The following TTC34 variants were observed in gnomAD, a reference collection of about 807,000 sequenced individuals.
TTC34 encodes the protein tetratricopeptide repeat protein 34.
A neutral mutation model predicts 40.7 loss-of-function variants in TTC34; 44 were observed. The observed-to-expected ratio is 1.08, with a 90% CI of 0.85 to 1.39. The LOEUF (loss-of-function observed/expected upper bound fraction) is 1.39, where lower values mean the gene tolerates loss of function less well. Among genes scored for constraint, TTC34 ranks in the 40% most tolerant of loss-of-function variants. The pLI is 0.00. For synonymous variants in TTC34, 422 were observed against 398.6 expected, an observed-to-expected ratio of 1.06 and a Z score of -0.70; for missense variants, 884 against 838.0, an observed-to-expected ratio of 1.05 and a Z score of -0.68.
intron 6 of TTC34, among the ~76,000 whole-genome samples, chr1:2,685,806 T>C (rs1323130906): frequency 2.3e-5 from 3 of 129,720 alleles, no homozygotes; most frequent in South Asian, 2.5e-4. Flanking sequence ...CACCCCCAGG[T>C]GAGCATCTGA....
At chr1:2,800,494 G>T in exon 2 of TTC34, 1 of 398,654 alleles carries the variant, frequency 2.5e-6, no homozygotes, top group Non-Finnish European at 4.4e-6. Flanking sequence ...CGGGCCAGCA[G>T]ACCTGCCAGC....
chr1:2,758,476 C>T (rs1483025103), intron 6 of TTC34, among the ~76,000 whole-genome samples: 2 of 85,198 alleles, frequency 2.3e-5, no homozygotes, highest in Non-Finnish European at 4.3e-5. Flanking sequence ...AGCACCCACA[C>T]ACCCAGGCGA....
intron 6 of TTC34, among the ~76,000 whole-genome samples, chr1:2,700,327 C>A (rs1389133633): frequency 9.2e-6 from 1 of 108,672 alleles, no homozygotes; most frequent in Non-Finnish European, 2.2e-5. Context: ...GGGGCAGCAC[C>A]CACTCCCGCA....
intron 6 of TTC34, among the ~76,000 whole-genome samples, chr1:2,652,136 C>T (rs139929249): frequency 4.7e-4 from 2 of 4,284 alleles, no homozygotes; most frequent in African/African-American, 6.3e-4. Flanking sequence ...CCCAGGTGAG[C>T]ATCCGACAGC....
At chr1:2,793,530 T>C (rs960871792) in intron 2 of TTC34, among the ~76,000 whole-genome samples, 2 of 152,248 alleles carry the variant, frequency 1.3e-5, no homozygotes, top group Non-Finnish European at 2.9e-5. Flanking sequence ...CCCTGTTTTG[T>C]ATCTTAAGAA....
intron 2 of TTC34, among the ~76,000 whole-genome samples, chr1:2,795,201 A>T (rs1193617199): frequency 1.3e-5 from 2 of 152,206 alleles, no homozygotes; most frequent in African/African-American, 4.8e-5. Flanking sequence ...GTGAGCCATG[A>T]TCACACAACT....
intron 6 of TTC34, among the ~76,000 whole-genome samples, chr1:2,758,153 T>C (rs1168938492): frequency 0.11 from 912 of 8,454 alleles, no homozygotes; most frequent in Non-Finnish European, 0.12. Context: ...AGCACCCACA[T>C]CCCCAGGTGA....
At chr1:2,749,120 A>T (rs1641236658) in intron 6 of TTC34, among the ~76,000 whole-genome samples, 108 of 133,654 alleles carry the variant, frequency 8.1e-4, no homozygotes, top group African/African-American at 1.6e-3. Context: ...CAGCACCCAC[A>T]CCCCCAGGTG....
chr1:2,645,587 G>GGGCC lies in TTC34; in HGVS notation c.2227-25_2227-24insGGCC. 3.0e-5 allele frequency: 7 copies of GGGCC among 229,518 alleles called. No homozygotes were observed. Among genetic ancestry groups the GGGCC allele is most frequent in the Non-Finnish European group, 6.0e-5 (7 of 116,442 alleles). The allele number at this position is 229,518 out of a possible 1,614,324, so 14.2% of individuals were successfully genotyped here. ...TCCTGCAAGGAGGGAGGGCGGGCGG[G>GGGCC]TGCAGAGTTGTCCTAAGTAGAGAAA... On this transcript the variant is annotated intron_variant, in intron 6 of 8. Coordinates refer to ENST00000401095, the Ensembl canonical transcript of TTC34. This position sits in a 1 kb window ranked among gnomAD's most constrained non-coding sequence, Gnocchi z 4.7.
chr1:2,771,515 C>T (rs1180074938), intron 6 of TTC34, among the ~76,000 whole-genome samples: 3 of 76,452 alleles, frequency 3.9e-5, no homozygotes, highest in African/African-American at 9.6e-5. Flanking sequence ...CCTGGAGTAG[C>T]ACGCACACCC....
intron 6 of TTC34, among the ~76,000 whole-genome samples, chr1:2,749,988 T>C (rs1434911979): frequency 4.0e-5 from 3 of 75,478 alleles, no homozygotes; most frequent in African/African-American, 7.4e-5. Context: ...TTGGACACCC[T>C]GGAGCAGCAC....
At chr1:2,637,813 G>A (rs1421775699) in exon 9 of TTC34, 1 of 152,272 alleles carries the variant, frequency 6.6e-6, no homozygotes, top group Non-Finnish European at 1.5e-5. Flanking sequence ...CGGGGCTGCT[G>A]CTGCTACAAC....
chr1:2,783,545 G>A, intron 6 of TTC34, 64 bp downstream of exon 6: 1 of 1,305,286 alleles, frequency 7.7e-7, no homozygotes, highest in Non-Finnish European at 9.8e-7. Context: ...TGGGGTGGAG[G>A]AAGGCAGCTC....
chr1:2,650,033 C>T (rs1312819212), intron 6 of TTC34, among the ~76,000 whole-genome samples: 1 of 151,002 alleles, frequency 6.6e-6, no homozygotes, highest in Non-Finnish European at 1.5e-5. Context: ...ATCTGACAGC[C>T]TGGAATGGCA....
intron 2 of TTC34, among the ~76,000 whole-genome samples, chr1:2,798,161 T>A (rs1347061384): frequency 1.2e-4 from 4 of 33,558 alleles, no homozygotes; most frequent in Non-Finnish European, 1.6e-4. Flanking sequence ...TCTTAGCCCC[T>A]CAGCTCCCCA....
chr1:2,680,472 C>G (rs1374253941), intron 6 of TTC34, among the ~76,000 whole-genome samples: 9 of 106,218 alleles, frequency 8.5e-5, no homozygotes, highest in Admixed American at 1.9e-4. Flanking sequence ...CCCAGGAGAG[C>G]ATCCGGCAGC....
intron 6 of TTC34, among the ~76,000 whole-genome samples, chr1:2,673,094 CA>C (rs1639759004): frequency 1.4e-5 from 1 of 73,516 alleles, no homozygotes; most frequent in Non-Finnish European, 3.4e-5. Flanking sequence ...GAGCATCTGA[CA>C]GCCTGGAACA....
At chr1:2,765,709 T>C (rs1404677505) in intron 6 of TTC34, among the ~76,000 whole-genome samples, 120 of 10,692 alleles carry the variant, frequency 0.011, no homozygotes, top group African/African-American at 0.027. Flanking sequence ...TGGAGCAGCA[T>C]GCACACCCCC....
intron 6 of TTC34, chr1:2,776,433 C>A (rs1367359781): frequency 7.7e-6 from 1 of 129,792 alleles, no homozygotes; most frequent in East Asian, 2.3e-4. Context: ...CAGCATGGAA[C>A]AAGACCACTG....
Sources: gnomAD v4.1 joint callset for allele counts (sites outside exome capture counted in the v4.1 genomes callset) on GRCh38, gnomAD v4.1.1 for gene constraint, Gnocchi (gnomAD v3.1) non-coding constraint, MANE v1.5 for transcripts, NCBI Gene and HGNC (gene_info 2026-07-23, HGNC 2026-07-21) for gene names.